MSRB3: variants seen among roughly 807,000 people sequenced by gnomAD.
MSRB3 encodes the protein methionine sulfoxide reductase B3.
MSRB3 carries 13 observed loss-of-function variants against 21.0 expected under a neutral mutation model. The observed-to-expected ratio is 0.62, with a 90% confidence interval of 0.40 to 0.98. MSRB3 has a LOEUF of 0.98. Among genes scored for constraint, MSRB3 ranks in the 50% least tolerant of loss-of-function variants. The probability of loss-of-function intolerance (pLI) is 0.00; values close to 1 mark genes in which losing one functional copy is unlikely to be tolerated. For synonymous variants in MSRB3, 87 were observed against 88.6 expected, an observed-to-expected ratio of 0.98 and a Z score of 0.10; for missense variants, 199 against 230.3, an observed-to-expected ratio of 0.86 and a Z score of 0.88.
At chr12:65,411,804 A>G (rs922471425) in intron 5 of MSRB3, among the ~76,000 whole-genome samples, 15 of 149,270 alleles carry the variant, frequency 1.0e-4, no homozygotes, top group Non-Finnish European at 1.8e-4. Context: ...AATTTATACT[A>G]TATACTTATG....
intron 5 of MSRB3, among the ~76,000 whole-genome samples, chr12:65,421,562 G>A (rs1392532372): frequency 6.6e-6 from 1 of 152,146 alleles, no homozygotes; most frequent in East Asian, 1.9e-4. Flanking sequence ...GAATGGTATT[G>A]CCTACGTTGT....
intron 4 of MSRB3, among the ~76,000 whole-genome samples, chr12:65,354,574 A>G (rs1877266562): frequency 6.6e-6 from 1 of 151,886 alleles, no homozygotes; most frequent in Non-Finnish European, 1.5e-5. Context: ...TTTCAGCTCC[A>G]TCAGGTCCTT....
intron 5 of MSRB3, among the ~76,000 whole-genome samples, chr12:65,402,988 G>A (rs926032359): frequency 6.6e-6 from 1 of 152,204 alleles, no homozygotes; most frequent in Non-Finnish European, 1.5e-5. Context: ...CTTCATCCCA[G>A]AGGGGCACTC....
At position 65,394,580 on chromosome 12, in the gene MSRB3, C is replaced by G. The variant is rs533727252; in HGVS notation, c.292+25554C>G. On this transcript the variant is annotated intron_variant, in intron 5 of 6. Coordinates refer to ENST00000308259, the MANE Select transcript of MSRB3 (RefSeq NM_001031679.3). Reference sequence around the variant, plus strand: ...AAAATAGAAGAGGAGGAAACATGTCCCAACTCATTCTACAGGGTCACTATG... The same window carrying G: ...AAAATAGAAGAGGAGGAAACATGTCGCAACTCATTCTACAGGGTCACTATG... Among the ~76,000 whole-genome samples the G allele has an allele frequency of 7.9e-5, 12 of 152,240 alleles. 1 individual carries two copies. The South Asian group carries it at 2.3e-3, about 29-fold the overall frequency.
chr12:65,414,312 G>A lies in MSRB3; in HGVS notation c.293-39416G>A, dbSNP rs982468320. ...TGGTAGCTCACATCAGATGGTAGCA[G>A]CTATAGGAATGAGGTATGGTAGATT... On this transcript the variant is annotated intron_variant, in intron 5 of 6. Transcript: ENST00000308259. 2.0e-5 allele frequency among the ~76,000 whole-genome samples: 3 copies of A among 152,226 alleles called. No individual in the cohort carries two copies. In the East Asian group the frequency reaches 5.8e-4, roughly 29 times the overall value.
At position 65,463,688 on chromosome 12, in the gene MSRB3, T is replaced by C. The variant is rs1883435326; in HGVS notation, c.*366T>C. The C allele has an allele frequency of 3.2e-6, 1 of 308,986 alleles. No homozygotes were observed. Among genetic ancestry groups the C allele is most frequent in the Non-Finnish European group, 6.2e-6 (1 of 161,494 alleles). The allele number at this position is 308,986 out of a possible 1,614,324, so 19.1% of individuals were successfully genotyped here. A position where few individuals can be genotyped will look rare whatever the true frequency, so the allele number is the denominator to read the frequency against. ...GAAAATAGAGATCTCCTCTGCAGTG[T>C]AGAGACCAGAGCTGGGCAGTGCAGG... On this transcript the variant is annotated 3_prime_UTR_variant, in exon 7 of 7. Coordinates refer to ENST00000308259, the MANE Select transcript of MSRB3 (RefSeq NM_001031679.3).
chr12:65,443,284 A>G (rs1882468113), intron 5 of MSRB3, among the ~76,000 whole-genome samples: 1 of 152,126 alleles, frequency 6.6e-6, no homozygotes, highest in Admixed American at 6.6e-5. Flanking sequence ...AGCCTTAGTC[A>G]TATTGTCCTC....
chr12:65,466,059 G>A lies in MSRB3; in HGVS notation c.*2737G>A, dbSNP rs547101441. ...GAGAGGCCTCTTCCCTCTCCACAGA[G>A]ACTGGATTGTCATTGTTCCTTCATT... On this transcript the variant is annotated 3_prime_UTR_variant, in exon 7 of 7. Coordinates refer to ENST00000308259, the MANE Select transcript of MSRB3 (RefSeq NM_001031679.3). 1 of 152,230 alleles carries A rather than the reference G, an allele frequency of 6.6e-6. No homozygotes were observed. The highest frequency in any genetic ancestry group is 2.4e-5 in the African/African-American group (1 of 41,552). 9.4% of individuals were successfully genotyped at this position (152,230 alleles called of 1,614,324 possible). A position where few individuals can be genotyped will look rare whatever the true frequency, so the allele number is the denominator to read the frequency against.
At chr12:65,433,649 T>C (rs1358598866) in intron 5 of MSRB3, among the ~76,000 whole-genome samples, 2 of 151,948 alleles carry the variant, frequency 1.3e-5, no homozygotes, top group African/African-American at 2.4e-5. Context: ...TTGTATGATA[T>C]TGATAGCTTT....
In MSRB3 at chr12:65,410,862, C is replaced by T. The variant is rs1410404494; in HGVS notation, c.292+41836C>T. Among the ~76,000 whole-genome samples, 2 of 151,926 alleles carry T rather than the reference C, an allele frequency of 1.3e-5. 1 individual carries two copies. Among genetic ancestry groups the T allele is most frequent in the Non-Finnish European group, 2.9e-5 (2 of 67,970 alleles). On this transcript the variant is annotated intron_variant, in intron 5 of 6. Transcript: ENST00000308259. ...TGTTTGTATATTTTTAAACAGTGAC[C>T]AAAGCAGAAATAAAGGGAATGATGT...
At chr12:65,298,672 T>C (rs932116021) in intron 1 of MSRB3, among the ~76,000 whole-genome samples, 2 of 152,158 alleles carry the variant, frequency 1.3e-5, no homozygotes, top group Non-Finnish European at 2.9e-5. Context: ...CAAGCCATCA[T>C]TATAATTTTA....
rs1330218917 is a variant in MSRB3 at position 65,396,699 on chromosome 12, AAAAAAAAAGAAAGAAAGAAAG to A, written c.292+27677_292+27697del. Among the ~76,000 whole-genome samples the A allele has an allele frequency of 7.5e-3, 187 of 25,048 alleles. 6 individuals are homozygous for A. Among genetic ancestry groups the A allele is most frequent in the Admixed American group, 0.032 (51 of 1,616 alleles). The allele number at this position is 25,048 out of a possible 152,430, so 16.4% of individuals were successfully genotyped here. A position where few individuals can be genotyped will look rare whatever the true frequency, so the allele number is the denominator to read the frequency against. ...AGAGTGAAACTCCATCTCAAAAAAA[AAAAAAAAAGAAAGAAAGAAAG>A]AAAGAAAGAAAGAAAGAAAGAAAGA... is the stretch of plus-strand genomic sequence containing the variant. On this transcript the variant is annotated intron_variant, in intron 5 of 6. Transcript: ENST00000308259.
At chr12:65,343,852 A>C (rs1358610667) in intron 4 of MSRB3, among the ~76,000 whole-genome samples, 1 of 152,002 alleles carries the variant, frequency 6.6e-6, no homozygotes. Flanking sequence ...CTCTGGTGTT[A>C]ATTGGTGCTA....
At chr12:65,392,767 T>C (rs1879552708) in intron 5 of MSRB3, among the ~76,000 whole-genome samples, 2 of 152,364 alleles carry the variant, frequency 1.3e-5, no homozygotes, top group South Asian at 4.1e-4. Flanking sequence ...CCAAGATTCC[T>C]CAAGAGTGTG....
At chr12:65,439,470 A>G (rs1296405737) in intron 5 of MSRB3, among the ~76,000 whole-genome samples, 1 of 151,686 alleles carries the variant, frequency 6.6e-6, no homozygotes, top group Non-Finnish European at 1.5e-5. Context: ...CATCTTTCAA[A>G]TAAGAAATAT....
chr12:65,374,206 G>A (rs1878474397), intron 5 of MSRB3, among the ~76,000 whole-genome samples: 1 of 151,988 alleles, frequency 6.6e-6, no homozygotes, highest in African/African-American at 2.4e-5. Context: ...TCATAACATT[G>A]AAGAACAAGG....
intron 5 of MSRB3, among the ~76,000 whole-genome samples, chr12:65,409,576 G>A (rs928600694): frequency 6.6e-6 from 1 of 152,072 alleles, no homozygotes; most frequent in Admixed American, 6.5e-5. Flanking sequence ...GTGGCATTAT[G>A]ACTGTATAAT....
intron 5 of MSRB3, among the ~76,000 whole-genome samples, chr12:65,423,044 C>T (rs1243711460): frequency 6.7e-6 from 1 of 148,374 alleles, no homozygotes; most frequent in African/African-American, 2.5e-5. Flanking sequence ...CTCACTGCAA[C>T]CTCTGCCACC....
chr12:65,347,300 C>T (rs1259551880), intron 4 of MSRB3, among the ~76,000 whole-genome samples: 5 of 152,148 alleles, frequency 3.3e-5, no homozygotes, highest in African/African-American at 4.8e-5. Context: ...AGATCCTTCA[C>T]GTCCCTTGTA....
Sources: allele counts gnomAD v4.1 joint callset (sites outside exome capture counted in the v4.1 genomes callset), GRCh38; gene constraint gnomAD v4.1.1; transcripts MANE v1.5; gene names NCBI Gene and HGNC (gene_info 2026-07-23, HGNC 2026-07-21).